GLT1D1: variants seen among roughly 807,000 people sequenced by gnomAD.
GLT1D1 encodes glycosyltransferase 1 domain-containing protein 1.
Under a neutral mutation model 28.7 loss-of-function variants are expected in GLT1D1, and 21 were observed. The ratio of observed to expected loss-of-function variants is 0.73; its 90% CI spans 0.52 to 1.05. The LOEUF (loss-of-function observed/expected upper bound fraction) is 1.05. Ranked by LOEUF, GLT1D1 falls within the 50% of genes least tolerant of loss-of-function variation. GLT1D1 has a pLI of 0.00. For synonymous variants in GLT1D1, 147 were observed against 124.8 expected, an observed-to-expected ratio of 1.18 and a Z score of -1.19; for missense variants, 343 against 330.6, an observed-to-expected ratio of 1.04 and a Z score of -0.29.
chr12:128,889,121 G>C (rs1227090928), intron 3 of GLT1D1, among the ~76,000 whole-genome samples: 2 of 152,010 alleles, frequency 1.3e-5, no homozygotes, highest in African/African-American at 4.8e-5. Flanking sequence ...GAGTGGTAGA[G>C]CAAAGCCCTC....
chr12:128,951,671 G>T (rs188415318), intron 6 of GLT1D1, among the ~76,000 whole-genome samples: 1 of 152,122 alleles, frequency 6.6e-6, no homozygotes, highest in Non-Finnish European at 1.5e-5. Context: ...TTCTGAGGTC[G>T]AGCACACTCA....
Position 128,968,286 on chromosome 12 carries a change from C to T in GLT1D1, c.639+10643C>T, listed in dbSNP as rs889548020. Among the ~76,000 whole-genome samples the T allele has an allele frequency of 1.3e-4, 19 of 151,520 alleles. 1 individual carries two copies. Among genetic ancestry groups the T allele is most frequent in the Admixed American group, 5.2e-4 (8 of 15,258 alleles). On this transcript the variant is annotated intron_variant, in intron 7 of 7. Transcript: ENST00000281703. ...CTGGGATTACAGGCGTGAGCCACTGCGCCCGGTCACTTATGTGGATTTCCA... is the reference window on the plus strand; with the variant it reads ...CTGGGATTACAGGCGTGAGCCACTGTGCCCGGTCACTTATGTGGATTTCCA...
intron 4 of GLT1D1, among the ~76,000 whole-genome samples, chr12:128,941,706 G>A (rs892175473): frequency 9.3e-5 from 14 of 151,220 alleles, no homozygotes; most frequent in African/African-American, 3.4e-4. Flanking sequence ...CCAAGTAGCT[G>A]GGATTACAGG....
chr12:128,924,453 AG>A (rs1872980535), intron 4 of GLT1D1, among the ~76,000 whole-genome samples: 1 of 151,460 alleles, frequency 6.6e-6, no homozygotes, highest in Non-Finnish European at 1.5e-5. Context: ...AAAAAGAAAA[AG>A]CCTCTTTTAT....
chr12:128,942,834 T>G (rs1252374919), intron 4 of GLT1D1, among the ~76,000 whole-genome samples: 1 of 148,752 alleles, frequency 6.7e-6, no homozygotes, highest in African/African-American at 2.5e-5. Flanking sequence ...CACTGCAACA[T>G]CCACCTTCCG....
intron 3 of GLT1D1, among the ~76,000 whole-genome samples, chr12:128,895,556 A>C (rs1345210810): frequency 6.6e-6 from 1 of 151,398 alleles, no homozygotes; most frequent in Non-Finnish European, 1.5e-5. Flanking sequence ...TCCTGGGTTC[A>C]AGCTATTCTC....
chr12:128,884,774 G>A (rs111908827), intron 2 of GLT1D1, among the ~76,000 whole-genome samples: 4,876 of 152,046 alleles, frequency 0.032, 249 homozygotes, highest in African/African-American at 0.11. Flanking sequence ...AGATAGCACC[G>A]CTGCACTCTA....
chr12:128,860,882 A>C (rs1233372439), intron 1 of GLT1D1, among the ~76,000 whole-genome samples: 1 of 152,136 alleles, frequency 6.6e-6, no homozygotes, highest in East Asian at 1.9e-4. Flanking sequence ...GGCCGTCCTC[A>C]CGGAACCGGG....
At chr12:128,954,425 C>A (rs543221894) in intron 6 of GLT1D1, among the ~76,000 whole-genome samples, 1 of 152,050 alleles carries the variant, frequency 6.6e-6, no homozygotes, top group Non-Finnish European at 1.5e-5. Flanking sequence ...CCACTGTGCC[C>A]AGGCTAATAT....
intron 3 of GLT1D1, among the ~76,000 whole-genome samples, chr12:128,890,775 G>C (rs753491576): frequency 7.2e-5 from 11 of 152,132 alleles, no homozygotes; most frequent in Non-Finnish European, 1.3e-4. Context: ...GAGGCAGGTG[G>C]ATCACCTGAG....
intron 7 of GLT1D1, among the ~76,000 whole-genome samples, chr12:128,976,998 T>A (rs981605779): frequency 3.9e-5 from 6 of 151,950 alleles, no homozygotes; most frequent in Non-Finnish European, 8.8e-5. Flanking sequence ...AAACAAAAAT[T>A]AGTCGGGCGT....
chr12:128,873,973 TTTC>T (rs200413247), intron 1 of GLT1D1, among the ~76,000 whole-genome samples: 15,683 of 127,354 alleles, frequency 0.12, 1,378 homozygotes, highest in Non-Finnish European at 0.17. Flanking sequence ...GTCTTTTTCT[TTTC>T]TTTTCTCCTT....
chr12:128,948,138 T>C (rs763408997), intron 6 of GLT1D1, among the ~76,000 whole-genome samples: 8 of 152,140 alleles, frequency 5.3e-5, no homozygotes, highest in Non-Finnish European at 8.8e-5. Flanking sequence ...TGTCCCCTCT[T>C]CTGTAAAAGA....
Position 128,983,201 on chromosome 12 carries a change from A to C in GLT1D1, c.*111A>C. 10 of 948,612 alleles carry C rather than the reference A, an allele frequency of 1.1e-5. No individual in the cohort carries two copies. Among genetic ancestry groups the C allele is most frequent in the Non-Finnish European group, 1.4e-5 (9 of 623,420 alleles). 58.8% of individuals were successfully genotyped at this position (948,612 alleles called of 1,614,324 possible). A position where few individuals can be genotyped will look rare whatever the true frequency, so the allele number is the denominator to read the frequency against. ...GTGCAGTTCAAATAAAACCAGCCTC[A>C]GCGGAATCCTAGAAAATGTTAGTCG... On this transcript the variant is annotated 3_prime_UTR_variant, in exon 8 of 8. Coordinates refer to ENST00000281703, the MANE Select transcript of GLT1D1 (RefSeq NM_144669.3). The surrounding 1 kb of genome is among the most constrained non-coding windows in gnomAD (Gnocchi z 4.7).
At chr12:128,871,407 T>C (rs1221882771) in intron 1 of GLT1D1, among the ~76,000 whole-genome samples, 1 of 152,126 alleles carries the variant, frequency 6.6e-6, no homozygotes, top group Non-Finnish European at 1.5e-5. Flanking sequence ...AATGACTGGA[T>C]CAAAATTAAC....
intron 6 of GLT1D1, among the ~76,000 whole-genome samples, chr12:128,950,106 A>C (rs947149899): frequency 2.0e-5 from 3 of 152,072 alleles, no homozygotes; most frequent in Non-Finnish European, 2.9e-5. Flanking sequence ...CGGCAGTGCG[A>C]GGCCTTTCCC....
intron 3 of GLT1D1, among the ~76,000 whole-genome samples, chr12:128,894,222 T>G (rs1189702715): frequency 6.6e-6 from 1 of 152,150 alleles, no homozygotes; most frequent in East Asian, 1.9e-4. Context: ...CCGTCTTTCC[T>G]TACTTTTCCC....
At chr12:128,904,623 CTTTTTTTTTTTT>C (rs59189244) in intron 4 of GLT1D1, among the ~76,000 whole-genome samples, 4 of 139,286 alleles carry the variant, frequency 2.9e-5, no homozygotes, top group African/African-American at 1.2e-4. Context: ...TGAAAACAGT[CTTTTTTTTTTTT>C]TTTTTTTTTT....
intron 7 of GLT1D1, among the ~76,000 whole-genome samples, chr12:128,961,292 C>T (rs907473014): frequency 1.3e-5 from 2 of 152,092 alleles, no homozygotes; most frequent in Admixed American, 6.5e-5. Flanking sequence ...CAATTCAGTC[C>T]GAGGCTAAAA....
Sources: gnomAD v4.1 joint callset for allele counts (sites outside exome capture counted in the v4.1 genomes callset) on GRCh38, gnomAD v4.1.1 for gene constraint, Gnocchi (gnomAD v3.1) non-coding constraint, MANE v1.5 for transcripts, NCBI Gene and HGNC (gene_info 2026-07-23, HGNC 2026-07-21) for gene names.